The following RIN3 variants were observed in gnomAD, a reference collection of about 807,000 sequenced individuals.
RIN3 encodes Ras and Rab interactor 3, also known as RAB5 interacting protein 3.
In RIN3, 54 loss-of-function variants were observed where a neutral mutation model predicts 76.3. The observed-to-expected ratio is 0.71, with a 90% confidence interval of 0.57 to 0.89. The LOEUF is 0.89. Among genes scored for constraint, RIN3 ranks in the 40% least tolerant of loss-of-function variants. The pLI is 0.00. For synonymous variants in RIN3, 576 were observed against 564.0 expected, an observed-to-expected ratio of 1.02 and a Z score of -0.30; for missense variants, 1,256 against 1,322.1, an observed-to-expected ratio of 0.95 and a Z score of 0.78.
intron 3 of RIN3, 142 bp downstream of exon 3, chr14:92,577,619 G>A: frequency 5.2e-6 from 3 of 576,568 alleles, no homozygotes; most frequent in Non-Finnish European, 9.5e-6. Context: ...AGTCACTGAA[G>A]TTACTTAGCC....
chr14:92,545,717 G>T (rs1897246385), intron 1 of RIN3, among the ~76,000 whole-genome samples: 1 of 151,604 alleles, frequency 6.6e-6, no homozygotes, highest in Non-Finnish European at 1.5e-5. Context: ...GAGTAGCTGG[G>T]ACTACAGGCA....
intron 6 of RIN3, among the ~76,000 whole-genome samples, chr14:92,655,179 T>TAA (rs199940795): frequency 7.3e-6 from 1 of 136,596 alleles, no homozygotes; most frequent in Non-Finnish European, 1.6e-5. Flanking sequence ...AAATAAAAGT[T>TAA]AAAAAAAAAA....
In RIN3 at chr14:92,655,438, G is replaced by A. The variant is rs560273585; in HGVS notation, c.2026+2363G>A. On this transcript the variant is annotated intron_variant, in intron 6 of 9. Coordinates refer to ENST00000216487, the MANE Select transcript of RIN3 (RefSeq NM_024832.5). ...AGGAGACACATTAGTGAGTGCATGTGGATGGAAGTGAGGTCAGGAGGCTGT... is the reference window on the plus strand; with the variant it reads ...AGGAGACACATTAGTGAGTGCATGTAGATGGAAGTGAGGTCAGGAGGCTGT... Among the ~76,000 whole-genome samples, 3 of 152,372 alleles carry A rather than the reference G, an allele frequency of 2.0e-5. No homozygotes were observed. The South Asian group carries it at 6.2e-4, about 32-fold the overall frequency.
chr14:92,543,905 T>G (rs1453577494), intron 1 of RIN3, among the ~76,000 whole-genome samples: 2 of 152,130 alleles, frequency 1.3e-5, no homozygotes, highest in Non-Finnish European at 2.9e-5. Flanking sequence ...CATGCTCACC[T>G]GCCTCCTAAC....
At position 92,683,254 on chromosome 14, in the gene RIN3, G is replaced by A. The variant is rs1196082883; in HGVS notation, c.2468-1733G>A. 2.0e-5 allele frequency among the ~76,000 whole-genome samples: 3 copies of A among 152,304 alleles called. No individual in the cohort carries two copies. In the East Asian group the frequency reaches 5.8e-4, roughly 29 times the overall value. On this transcript the variant is annotated intron_variant, in intron 8 of 9. Transcript: ENST00000216487. ...TGCAGTGGTGGGAAAGCCCAAGGAAGCACCATGGAGGTGGGCGGCGCTGGG... is the reference window on the plus strand; with the variant it reads ...TGCAGTGGTGGGAAAGCCCAAGGAAACACCATGGAGGTGGGCGGCGCTGGG...
At chr14:92,533,412 G>A (rs546353772) in intron 1 of RIN3, among the ~76,000 whole-genome samples, 13 of 152,176 alleles carry the variant, frequency 8.5e-5, no homozygotes, top group African/African-American at 2.7e-4. Flanking sequence ...ACTTGCACAC[G>A]CATGTTTATG....
At chr14:92,533,783 A>G (rs191098061) in intron 1 of RIN3, among the ~76,000 whole-genome samples, 1 of 152,208 alleles carries the variant, frequency 6.6e-6, no homozygotes, top group African/African-American at 2.4e-5. Context: ...TGCTCAGGTG[A>G]TGGGTGTACC....
Position 92,652,867 on chromosome 14 carries a change from G to A in RIN3, c.1818G>A (p.Val606=). 1 of 1,614,138 alleles carries A rather than the reference G, an allele frequency of 6.2e-7. No individual in the cohort carries two copies. Among genetic ancestry groups the A allele is most frequent in the East Asian group, 2.2e-5 (1 of 44,886 alleles). The change falls in exon 6 of 10, where the codon GTG becomes GTA. Residue 606 remains valine (V), a synonymous_variant. Transcript: ENST00000216487. This position sits in a 1 kb window ranked among gnomAD's most constrained non-coding sequence, Gnocchi z 6.4. ...ACCGCAAGCTGTACAAGAAGGTGGT[G>A]GAGCTGGCGCAGGACAAGGGCTCGT... ...SNNRKLYKKV[V]ELAQDKGSYF... is the part of the protein sequence containing the mutation.
rs141745555 is a variant in RIN3 at position 92,558,829 on chromosome 14, G to A, written c.249+2874G>A. Among the ~76,000 whole-genome samples, 560 of 152,102 alleles carry A rather than the reference G, an allele frequency of 3.7e-3. 3 individuals carry two copies. Among genetic ancestry groups the A allele is most frequent in the African/African-American group, 0.012 (486 of 41,488 alleles). On this transcript the variant is annotated intron_variant, in intron 2 of 9. Coordinates refer to ENST00000216487, the MANE Select transcript of RIN3 (RefSeq NM_024832.5). Reference sequence around the variant, plus strand: ...AGTCGTGGGTCAAAGGCTGTGGGGTGTGAGGAGGATGCATCTTCCAGCACC... The same window carrying A: ...AGTCGTGGGTCAAAGGCTGTGGGGTATGAGGAGGATGCATCTTCCAGCACC...
chr14:92,551,702 T>C (rs1444994712), intron 1 of RIN3, among the ~76,000 whole-genome samples: 1 of 152,260 alleles, frequency 6.6e-6, no homozygotes. Flanking sequence ...TAATGACTAA[T>C]GACTTTGAGC....
chr14:92,653,492 A>G (rs563731426), intron 6 of RIN3, among the ~76,000 whole-genome samples: 153 of 151,604 alleles, frequency 1.0e-3, no homozygotes, highest in African/African-American at 3.2e-3. Context: ...CACTGCGCTC[A>G]CTCTCTGTCT....
chr14:92,640,769 G>A (rs112742801), intron 4 of RIN3, among the ~76,000 whole-genome samples: 8 of 145,546 alleles, frequency 5.5e-5, no homozygotes, highest in African/African-American at 5.2e-5. Flanking sequence ...TGTGTTCATC[G>A]GGGGCTGCCT....
At chr14:92,644,108 A>C (rs1887110428) in intron 5 of RIN3, among the ~76,000 whole-genome samples, 1 of 152,274 alleles carries the variant, frequency 6.6e-6, no homozygotes, top group Middle Eastern at 3.4e-3. Flanking sequence ...TCACACCTGT[A>C]AAGTGCCCCA....
chr14:92,562,317 G>A (rs1179439871), intron 2 of RIN3, among the ~76,000 whole-genome samples: 1 of 152,146 alleles, frequency 6.6e-6, no homozygotes, highest in African/African-American at 2.4e-5. Context: ...TGTGTTCTTA[G>A]GGTTTCTGTA....
chr14:92,576,922 G>C (rs1011926711), intron 2 of RIN3, among the ~76,000 whole-genome samples: 14 of 152,098 alleles, frequency 9.2e-5, no homozygotes, highest in African/African-American at 3.4e-4. Context: ...GTACGTGCTG[G>C]GGTGAGAGTT....
chr14:92,650,682 C>T (rs1021834731), intron 5 of RIN3, among the ~76,000 whole-genome samples: 1 of 152,186 alleles, frequency 6.6e-6, no homozygotes, highest in Non-Finnish European at 1.5e-5. Flanking sequence ...GCACTGACTG[C>T]AATTGTTCCC....
At chr14:92,636,053 C>G (rs1453982866) in intron 4 of RIN3, among the ~76,000 whole-genome samples, 1 of 152,172 alleles carries the variant, frequency 6.6e-6, no homozygotes, top group African/African-American at 2.4e-5. Context: ...GCCATTTAGT[C>G]CCTCTGTGCC....
chr14:92,583,279 G>T (rs1884625562), intron 3 of RIN3, among the ~76,000 whole-genome samples: 1 of 152,252 alleles, frequency 6.6e-6, no homozygotes, highest in Admixed American at 6.5e-5. Flanking sequence ...TAGCCAGCTT[G>T]ATCTGTGACT....
At chr14:92,626,933 T>C (rs996487205) in intron 4 of RIN3, among the ~76,000 whole-genome samples, 7 of 152,116 alleles carry the variant, frequency 4.6e-5, no homozygotes, top group African/African-American at 1.7e-4. Context: ...ACATACTGAG[T>C]TAAAAGTTAA....
Sources: gnomAD v4.1 joint callset for allele counts (sites outside exome capture counted in the v4.1 genomes callset) on GRCh38, gnomAD v4.1.1 for gene constraint, Gnocchi (gnomAD v3.1) non-coding constraint, MANE v1.5 for transcripts, NCBI Gene and HGNC (gene_info 2026-07-23, HGNC 2026-07-21) for gene names.